The following EVA1A variants were observed in gnomAD, a reference collection of about 807,000 sequenced individuals.
EVA1A encodes eva-1 homolog A, regulator of programmed cell death.
In EVA1A, 7 loss-of-function variants were observed where a neutral mutation model predicts 9.8. The observed-to-expected ratio is 0.71, with a 90% confidence interval of 0.41 to 1.34. The LOEUF is 1.34. EVA1A is among the 40% of genes most tolerant of loss of function. EVA1A has a pLI of 0.01. For missense variants in EVA1A, 206 were observed against 205.9 expected, an observed-to-expected ratio of 1.00 and a Z score of 0.00; for synonymous variants, 90 against 85.6, an observed-to-expected ratio of 1.05 and a Z score of -0.28.
chr2:75,527,306 T>C (rs902900635), intron 1 of EVA1A, among the ~76,000 whole-genome samples: 11 of 152,126 alleles, frequency 7.2e-5, no homozygotes, highest in African/African-American at 2.4e-4. Context: ...AGGGGAGAGA[T>C]GAGACTTTCA....
chr2:75,565,090 G>A (rs1443241545), upstream of EVA1A, among the ~76,000 whole-genome samples: 1 of 152,170 alleles, frequency 6.6e-6, no homozygotes, highest in African/African-American at 2.4e-5. Flanking sequence ...TATGTAACCC[G>A]TGTGTCTATC....
chr2:75,529,896 C>T (rs919255370), intron 1 of EVA1A, among the ~76,000 whole-genome samples: 7 of 151,816 alleles, frequency 4.6e-5, no homozygotes, highest in African/African-American at 7.3e-5. Context: ...TAACAAGGAT[C>T]GCAACAGAAC....
rs566504997 is a variant in EVA1A at position 75,502,320 on chromosome 2, G to C, written c.86-8711C>G. Among the ~76,000 whole-genome samples the C allele has an allele frequency of 3.3e-5, 5 of 152,242 alleles. No homozygotes were observed. In the South Asian group the frequency reaches 1.0e-3, roughly 32 times the overall value. On this transcript the variant is annotated intron_variant, in intron 3 of 3. Coordinates refer to ENST00000393913, the MANE Select transcript of EVA1A (RefSeq NM_001135032.2). ...CCTATGTTCCCTACAAGGGTTTTCA[G>C]ACCATGAAGGTTTCTAACATAATAA... is the stretch of plus-strand genomic sequence containing the variant.
In EVA1A at chr2:75,493,467, C is replaced by G. The variant is rs766943077; in HGVS notation, c.228G>C (p.Glu76Asp). 3 of 1,614,248 alleles carry G rather than the reference C, an allele frequency of 1.9e-6. No homozygotes were observed. In the East Asian group the frequency reaches 6.7e-5, roughly 36 times the overall value. Residue 76 changes from glutamate to aspartate, a missense_variant, in exon 4 of 4, where the codon GAG (glutamate) becomes GAC (aspartate). By Grantham distance (45) the Glu-to-Asp change is conservative. Coordinates refer to ENST00000393913, the MANE Select transcript of EVA1A (RefSeq NM_001135032.2). ...CGCTGTCGCTGCTGTCGCTGCTGCT[C>G]TCTCTGTCCTGCAGGAACTTCTTCC... ...RPGKKFLQDR[E>D]SSSDSSDSED...
At chr2:75,500,606 A>C (rs892673098) in intron 3 of EVA1A, among the ~76,000 whole-genome samples, 2 of 151,614 alleles carry the variant, frequency 1.3e-5, no homozygotes, top group Non-Finnish European at 2.9e-5. Context: ...ATGTTTAAAA[A>C]CTCCCATGTA....
chr2:75,567,872 TC>T (rs1677056986), intron 1 of EVA1A, among the ~76,000 whole-genome samples: 1 of 152,194 alleles, frequency 6.6e-6, no homozygotes, highest in African/African-American at 2.4e-5. Context: ...AAATGAAGAA[TC>T]TAAGATTTTG....
At chr2:75,524,603 C>A (rs1175160437) in intron 1 of EVA1A, among the ~76,000 whole-genome samples, 1 of 152,132 alleles carries the variant, frequency 6.6e-6, no homozygotes, top group Admixed American at 6.5e-5. Flanking sequence ...CCCAGTGCTG[C>A]TAGGAAAGCT....
chr2:75,538,718 T>C (rs1676005839), intron 1 of EVA1A, among the ~76,000 whole-genome samples: 1 of 152,200 alleles, frequency 6.6e-6, no homozygotes, highest in African/African-American at 2.4e-5. Flanking sequence ...AGAGGATTAT[T>C]CTGAATTTAA....
At chr2:75,534,526 A>G (rs1675806514) in intron 1 of EVA1A, among the ~76,000 whole-genome samples, 1 of 152,024 alleles carries the variant, frequency 6.6e-6, no homozygotes, top group Non-Finnish European at 1.5e-5. Flanking sequence ...AGAGGAACAA[A>G]CAAACAAAAA....
intron 1 of EVA1A, among the ~76,000 whole-genome samples, chr2:75,522,749 T>C (rs1675276564): frequency 6.6e-6 from 1 of 152,230 alleles, no homozygotes; most frequent in Non-Finnish European, 1.5e-5. Context: ...AGAAACATGC[T>C]TCCTCTCTGC....
intron 1 of EVA1A, among the ~76,000 whole-genome samples, chr2:75,527,130 A>G (rs1675474518): frequency 6.6e-6 from 1 of 152,082 alleles, no homozygotes. Context: ...GACAATAGCC[A>G]CTCTACTTTA....
At chr2:75,549,417 C>A (rs1342966427) in intron 1 of EVA1A, among the ~76,000 whole-genome samples, 1 of 152,144 alleles carries the variant, frequency 6.6e-6, no homozygotes, top group Non-Finnish European at 1.5e-5. Context: ...AAAACACCTG[C>A]AGCTTCTTCC....
intron 1 of EVA1A, among the ~76,000 whole-genome samples, chr2:75,543,784 A>G (rs1215945450): frequency 6.6e-6 from 1 of 152,094 alleles, no homozygotes; most frequent in African/African-American, 2.4e-5. Context: ...CAAACTGCTG[A>G]GCTCCCCGGA....
At chr2:75,559,812 C>A (rs1423184681) in intron 1 of EVA1A, among the ~76,000 whole-genome samples, 1 of 151,918 alleles carries the variant, frequency 6.6e-6, no homozygotes, top group Non-Finnish European at 1.5e-5. Context: ...GACCCAAATC[C>A]TGGCTGGGCC....
At chr2:75,501,176 T>C (rs1674405210) in intron 3 of EVA1A, among the ~76,000 whole-genome samples, 1 of 152,116 alleles carries the variant, frequency 6.6e-6, no homozygotes, top group Non-Finnish European at 1.5e-5. Context: ...CACACCCTCC[T>C]CTTCATGTTC....
Position 75,533,913 on chromosome 2 carries a change from G to A in EVA1A, c.-191-11426C>T, listed in dbSNP as rs559850578. ...TGCAAGCTCCGCCTCCCAGGTTCAC[G>A]CCATTCTCCTGCCTCAGCCTCCCGA... On this transcript the variant is annotated intron_variant, in intron 1 of 3. Transcript: ENST00000393913. Among the ~76,000 whole-genome samples, 189 of 151,988 alleles carry A rather than the reference G, an allele frequency of 1.2e-3. 2 individuals are homozygous for A. Among genetic ancestry groups the A allele is most frequent in the Non-Finnish European group, 2.5e-3 (170 of 67,944 alleles).
At chr2:75,520,229 T>G (rs991467932) in intron 2 of EVA1A, among the ~76,000 whole-genome samples, 6 of 152,196 alleles carry the variant, frequency 3.9e-5, no homozygotes, top group Non-Finnish European at 8.8e-5. Flanking sequence ...TCCTGTTGCC[T>G]AAATGCCCCC....
chr2:75,521,409 A>T (rs1183424596), intron 2 of EVA1A, among the ~76,000 whole-genome samples: 2 of 152,346 alleles, frequency 1.3e-5, no homozygotes, highest in South Asian at 2.1e-4. Context: ...CATTATTCAC[A>T]ATAGCCAAAA....
intron 1 of EVA1A, among the ~76,000 whole-genome samples, chr2:75,552,407 T>G (rs548482239): frequency 3.9e-5 from 6 of 152,260 alleles, no homozygotes; most frequent in African/African-American, 1.4e-4. Flanking sequence ...TCCCACTGGA[T>G]GCCAGGCCAA....
Sources: allele counts gnomAD v4.1 joint callset (sites outside exome capture counted in the v4.1 genomes callset), GRCh38; gene constraint gnomAD v4.1.1; transcripts MANE v1.5; gene names NCBI Gene and HGNC (gene_info 2026-07-23, HGNC 2026-07-21).